Variants in MRPS11 observed in about 807,000 individuals in gnomAD.
MRPS11 encodes the protein small ribosomal subunit protein uS11m.
In MRPS11, 27 loss-of-function variants were observed where a neutral mutation model predicts 24.3. That is an observed-to-expected ratio of 1.11 (90% CI 0.82 to 1.53). The LOEUF (loss-of-function observed/expected upper bound fraction) is 1.53, where lower values mean the gene tolerates loss of function less well. MRPS11 is among the 40% of genes most tolerant of loss of function. The probability of loss-of-function intolerance (pLI) is 0.00; values close to 1 mark genes in which losing one functional copy is unlikely to be tolerated. For synonymous variants in MRPS11, 104 were observed against 98.7 expected (o/e 1.05, Z -0.32); for missense variants, 277 against 256.5 (o/e 1.08, Z -0.55).
In MRPS11 at chr15:88,477,020, G is replaced by A. The variant is rs868558983; in HGVS notation, c.443G>A (p.Arg148Gln). 2.6e-5 allele frequency: 42 copies of A among 1,613,970 alleles called. No individual in the cohort carries two copies. The highest frequency in any genetic ancestry group is 1.6e-4 in the Middle Eastern group (1 of 6,084). ...RAKQKGVIHI[R>Q]VVVKGLGPGR... ...AAACAAAAGGGCGTGATCCACATCC[G>A]AGTTGTGGTGAAAGGCCTGGGGCCA... The change falls in exon 5 of 6, where the codon CGA becomes CAA. Residue 148 changes from arginine to glutamine, a missense_variant. Coordinates refer to ENST00000325844, the MANE Select transcript of MRPS11 (RefSeq NM_022839.5). The surrounding 1 kb of genome is among the most constrained non-coding windows in gnomAD (Gnocchi z 5.7).
rs1222656354 is a variant in MRPS11, at chr15:88,467,990, G to C, written c.148G>C (p.Glu50Gln). 8 of 1,609,162 alleles carry C rather than the reference G, an allele frequency of 5.0e-6. No individual in the cohort carries two copies. Among genetic ancestry groups the C allele is most frequent in the Admixed American group, 1.7e-5 (1 of 59,668 alleles). Residue 50 changes from glutamate to glutamine, a missense_variant, in exon 2 of 6, where the codon GAA becomes CAA. Coordinates refer to ENST00000325844, the MANE Select transcript of MRPS11 (RefSeq NM_022839.5). ...AGACGCTGCGGCCAAGCAGAAAGTTGAACAGAACGCGGCTCCCAGCCACAC... is the reference window on the plus strand; with the variant it reads ...AGACGCTGCGGCCAAGCAGAAAGTTCAACAGAACGCGGCTCCCAGCCACAC... ...LQDAAAKQKV[E>Q]QNAAPSHTKF...
chr15:88,474,082 G>A (rs1212022331), intron 3 of MRPS11, among the ~76,000 whole-genome samples: 2 of 151,958 alleles, frequency 1.3e-5, no homozygotes, highest in South Asian at 2.1e-4. Context: ...AGGCTGAGGT[G>A]GGAGGATGGC....
intron 3 of MRPS11, 69 bp downstream of exon 3, chr15:88,472,794 C>G: frequency 7.4e-7 from 1 of 1,352,308 alleles, no homozygotes; most frequent in South Asian, 1.2e-5. Context: ...GAAAGTCAGG[C>G]TTGGCCCTGA....
Position 88,469,565 on chromosome 15 carries a change from C to G in MRPS11, c.182+1541C>G, listed in dbSNP as rs1163071908. On this transcript the variant is annotated intron_variant, in intron 2 of 5. Coordinates refer to ENST00000325844, the MANE Select transcript of MRPS11 (RefSeq NM_022839.5). This position sits in a 1 kb window ranked among gnomAD's most constrained non-coding sequence, Gnocchi z 4.4. ...AGGACTTTGTAGGCCGTTGTGAGGACTTCAGCTTTTACTGTGAATGAAATG... is the reference window on the plus strand; with the variant it reads ...AGGACTTTGTAGGCCGTTGTGAGGAGTTCAGCTTTTACTGTGAATGAAATG... 1.3e-5 allele frequency among the ~76,000 whole-genome samples: 2 copies of G among 152,170 alleles called. No individual in the cohort carries two copies. The highest frequency in any genetic ancestry group is 3.9e-4 in the East Asian group (2 of 5,192).
In MRPS11 at chr15:88,478,511, T is replaced by C. The variant is rs1228673962; in HGVS notation, c.*532T>C. Reference sequence around the variant, plus strand: ...AAATTGGAGCTTTTTGCCACCTACCTCTGGATTCTGATGGATTTCGCCATT... The same window carrying C: ...AAATTGGAGCTTTTTGCCACCTACCCCTGGATTCTGATGGATTTCGCCATT... On this transcript the variant is annotated 3_prime_UTR_variant, in exon 6 of 6. Transcript: ENST00000325844. The surrounding 1 kb of genome is among the most constrained non-coding windows in gnomAD (Gnocchi z 4.7). 6.4e-6 allele frequency: 1 copy of C among 156,352 alleles called. No homozygotes were observed. The allele number at this position is 156,352 out of a possible 1,614,324, so 9.7% of individuals were successfully genotyped here.
chr15:88,477,446 G>C lies in MRPS11; in HGVS notation c.477+392G>C, dbSNP rs1402609081. On this transcript the variant is annotated intron_variant, in intron 5 of 5. Transcript: ENST00000325844. This position sits in a 1 kb window ranked among gnomAD's most constrained non-coding sequence, Gnocchi z 5.7. ...TGATCATTAGCACAGATAATCTTTA[G>C]CTTCTTCAAAGAGGTGACATCTCTC... Among the ~76,000 whole-genome samples the C allele has an allele frequency of 6.6e-6, 1 of 152,188 alleles. No individual in the cohort carries two copies. Among genetic ancestry groups the C allele is most frequent in the Non-Finnish European group, 1.5e-5 (1 of 68,036 alleles).
At position 88,478,200 on chromosome 15, in the gene MRPS11, C is replaced by T; in HGVS notation, c.*221C>T. Reference sequence around the variant, plus strand: ...TGCATCTCTTACAAGAGGGGAGCTACAGGGGCAGCCGTGGCCTAGGCCCAA... The same window carrying T: ...TGCATCTCTTACAAGAGGGGAGCTATAGGGGCAGCCGTGGCCTAGGCCCAA... On this transcript the variant is annotated 3_prime_UTR_variant, in exon 6 of 6. Transcript: ENST00000325844. The surrounding 1 kb of genome is among the most constrained non-coding windows in gnomAD (Gnocchi z 4.7). 1 of 574,470 alleles carries T rather than the reference C, an allele frequency of 1.7e-6. No homozygotes were observed. The highest frequency in any genetic ancestry group is 3.1e-6 in the Non-Finnish European group (1 of 322,194). The allele number at this position is 574,470 out of a possible 1,614,324, so 35.6% of individuals were successfully genotyped here.
Position 88,470,286 on chromosome 15 carries a change from G to C in MRPS11, c.182+2262G>C, listed in dbSNP as rs374185561. Among the ~76,000 whole-genome samples, 35 of 152,304 alleles carry C rather than the reference G, an allele frequency of 2.3e-4. No individual in the cohort carries two copies. In the East Asian group the frequency reaches 4.4e-3, roughly 19 times the overall value. On this transcript the variant is annotated intron_variant, in intron 2 of 5. Transcript: ENST00000325844. The stretch of plus-strand genomic sequence containing the variant: ...GCCAAGATCGTGCCACTGCAGTCCA[G>C]CCTGGACGAGACTCCATCTCAAAAA...
chr15:88,470,976 G>A (rs1256926554), intron 2 of MRPS11, among the ~76,000 whole-genome samples: 2 of 152,208 alleles, frequency 1.3e-5, no homozygotes, highest in Non-Finnish European at 2.9e-5. Flanking sequence ...AGTGATACTG[G>A]AGTGGGAACA....
rs1386669992 is a variant in MRPS11, at chr15:88,477,258, G to T, written c.477+204G>T. ...TAGTATAATTCATCAGACACTGAGT[G>T]CCTGCTGCGTGCCACGCACTGGGAA... On this transcript the variant is annotated intron_variant, in intron 5 of 5. Transcript: ENST00000325844. The surrounding 1 kb of genome is among the most constrained non-coding windows in gnomAD (Gnocchi z 5.7). 6.6e-6 allele frequency among the ~76,000 whole-genome samples: 1 copy of T among 152,222 alleles called. No individual in the cohort carries two copies. The highest frequency in any genetic ancestry group is 1.5e-5 in the Non-Finnish European group (1 of 68,044).
chr15:88,473,180 C>G (rs2055751496), intron 3 of MRPS11, among the ~76,000 whole-genome samples: 1 of 152,212 alleles, frequency 6.6e-6, no homozygotes, highest in African/African-American at 2.4e-5. Context: ...GTACTCACCA[C>G]TCTGGGCCAC....
intron 2 of MRPS11, chr15:88,468,307 T>G (rs2055599353): frequency 1.7e-6 from 2 of 1,207,898 alleles, no homozygotes; most frequent in Non-Finnish European, 2.1e-6. Flanking sequence ...CGTTCTTTTC[T>G]TCTGAGATGG....
At chr15:88,476,788 G>T (rs973310631) in intron 4 of MRPS11, 1 of 581,270 alleles carries the variant, frequency 1.7e-6, no homozygotes, top group African/African-American at 1.9e-5. Context: ...TCACAGTCAC[G>T]TGAATTCTGC....
Position 88,476,750 on chromosome 15 carries a change from G to A in MRPS11, c.412-239G>A, listed in dbSNP as rs117548718. ...AGCAATATTTAGAAATTTCCATTAG[G>A]TGGCGGTGCTGTCCTAGGCTAAACA... is the stretch of plus-strand genomic sequence containing the variant. On this transcript the variant is annotated intron_variant, in intron 4 of 5. Transcript: ENST00000325844. 6.7e-3 allele frequency: 2,894 copies of A among 429,722 alleles called. 21 individuals carry two copies. Among genetic ancestry groups the A allele is most frequent in the Middle Eastern group, 9.6e-3 (16 of 1,666 alleles). The allele number at this position is 429,722 out of a possible 1,614,324, so 26.6% of individuals were successfully genotyped here.
chr15:88,476,833 G>A, intron 4 of MRPS11, 156 bp from the exon 5 acceptor site: 5 of 662,328 alleles, frequency 7.5e-6, no homozygotes, highest in Non-Finnish European at 1.3e-5. Flanking sequence ...GCTGGCGCCT[G>A]TCCTCCACTA....
At position 88,477,835 on chromosome 15, in the gene MRPS11, G is replaced by T. The variant is rs548002452; in HGVS notation, c.478-37G>T. 9.5e-6 allele frequency: 15 copies of T among 1,578,402 alleles called. No individual in the cohort carries two copies. The Admixed American group carries it at 2.5e-4, about 26-fold the overall frequency. On this transcript the variant is annotated intron_variant, in intron 5 of 5. Coordinates refer to ENST00000325844, the MANE Select transcript of MRPS11 (RefSeq NM_022839.5). The surrounding 1 kb of genome is among the most constrained non-coding windows in gnomAD (Gnocchi z 5.7). ...GGAGACACTGGATCATCATTTCTGG[G>T]ACCATGTCATTCTACTTTTCCTTCT...
At chr15:88,468,332 C>T in intron 2 of MRPS11, 1 of 1,147,952 alleles carries the variant, frequency 8.7e-7, no homozygotes, top group Non-Finnish European at 1.1e-6. Flanking sequence ...CTTTTCAGAC[C>T]AATAACCTTC....
chr15:88,476,079 C>T (rs556564608), intron 4 of MRPS11, among the ~76,000 whole-genome samples: 8 of 152,286 alleles, frequency 5.3e-5, no homozygotes, highest in African/African-American at 1.7e-4. Flanking sequence ...TGTGAACTGT[C>T]GTAGACCTTT....
At position 88,479,978 on chromosome 15, in the gene MRPS11, C is replaced by G. The variant is rs60436489; in HGVS notation, c.*1999C>G. On this transcript the variant is annotated 3_prime_UTR_variant, in exon 6 of 6. Transcript: ENST00000325844. Reference sequence around the variant, plus strand: ...GGAGCTGCCACAGCAGCAGAGTGCACCTCTGCCAAAACCATGGCCTGAGGG... The same window carrying G: ...GGAGCTGCCACAGCAGCAGAGTGCAGCTCTGCCAAAACCATGGCCTGAGGG... The G allele has an allele frequency of 0.069, 10,504 of 152,328 alleles. 1,238 individuals carry two copies. The highest frequency in any genetic ancestry group is 0.24 in the African/African-American group (9,864 of 41,500). The allele number at this position is 152,328 out of a possible 1,614,324, so 9.4% of individuals were successfully genotyped here.
Sources: gnomAD v4.1 joint callset for allele counts (sites outside exome capture counted in the v4.1 genomes callset) on GRCh38, gnomAD v4.1.1 for gene constraint, Gnocchi (gnomAD v3.1) non-coding constraint, MANE v1.5 for transcripts, NCBI Gene and HGNC (gene_info 2026-07-23, HGNC 2026-07-21) for gene names.